The following MAP3K4 variants were observed in gnomAD, a reference collection of about 807,000 sequenced individuals.
MAP3K4 encodes mitogen-activated protein kinase kinase kinase 4.
In MAP3K4, 67 loss-of-function variants were observed where a neutral mutation model predicts 185.6. That is an observed-to-expected ratio of 0.36 (90% CI 0.30 to 0.44). The LOEUF (loss-of-function observed/expected upper bound fraction) is 0.44. Among genes scored for constraint, MAP3K4 ranks in the 20% least tolerant of loss-of-function variants. MAP3K4 has a pLI of 1.00. For synonymous variants in MAP3K4, 702 were observed against 710.4 expected, an observed-to-expected ratio of 0.99 and a Z score of 0.19; for missense variants, 1,551 against 1,995.1, an observed-to-expected ratio of 0.78 and a Z score of 4.24.
chr6:161,115,179 A>T lies in MAP3K4; in HGVS notation c.4683A>T (p.Gly1561=). 6.2e-7 allele frequency: 1 copy of T among 1,614,152 alleles called. No individual in the cohort carries two copies. The highest frequency in any genetic ancestry group is 1.1e-5 in the South Asian group (1 of 91,082). Residue 1561 remains glycine, a synonymous_variant, in exon 26 of 27, where the codon GGA becomes GGT. Coordinates refer to ENST00000392142, the MANE Select transcript of MAP3K4 (RefSeq NM_005922.4). The surrounding 1 kb of genome is among the most constrained non-coding windows in gnomAD (Gnocchi z 6.0). The stretch of plus-strand genomic sequence containing the variant: ...AAATTATGTATAAAGTGGGGATGGG[A>T]CATAAGCCACCAATCCCTGAAAGAT... ...NFQIMYKVGM[G]HKPPIPERLS... is the part of the protein sequence containing the mutation.
chr6:161,050,065 A>G (rs1022453708), intron 3 of MAP3K4, 86 bp downstream of exon 3: 15 of 1,329,498 alleles, frequency 1.1e-5, no homozygotes, highest in Admixed American at 7.2e-5. Flanking sequence ...ATGTACTTTC[A>G]TATTCTAATA....
At chr6:160,999,262 T>G (rs961060319) in intron 1 of MAP3K4, among the ~76,000 whole-genome samples, 1 of 152,136 alleles carries the variant, frequency 6.6e-6, no homozygotes, top group African/African-American at 2.4e-5. Flanking sequence ...TAGTTTAGAG[T>G]TGTCAAATTA....
intron 5 of MAP3K4, among the ~76,000 whole-genome samples, chr6:161,079,502 G>A (rs1177683056): frequency 1.3e-5 from 2 of 152,152 alleles, no homozygotes; most frequent in East Asian, 1.9e-4. Context: ...GCTTGAACCC[G>A]GGAGGCAGAG....
rs1438709136 is a variant in MAP3K4 at position 161,034,435 on chromosome 6, G to A, written c.329G>A (p.Arg110Gln). The A allele has an allele frequency of 7.4e-6, 12 of 1,613,532 alleles. No homozygotes were observed. The highest frequency in any genetic ancestry group is 3.3e-5 in the Admixed American group (2 of 59,976). Residue 110 changes from arginine to glutamine, a missense_variant, in exon 2 of 27, where the codon CGG becomes CAG. By Grantham distance (43) the Arg-to-Gln change is conservative. Around this residue, in one of 16 missense-constraint regions of MAP3K4, gnomAD observed 287 missense variants for 268.8 expected, o/e 1.07. Transcript: ENST00000392142. This position sits in a 1 kb window ranked among gnomAD's most constrained non-coding sequence, Gnocchi z 4.4. ...QRNNVGRPAS[R>Q]SNLKEKMNAP... The stretch of plus-strand genomic sequence containing the variant: ...AATAATGTGGGGAGGCCAGCCAGTC[G>A]GTCTAATTTGAAAGGTGAGTCTTGT...
In MAP3K4 at chr6:161,070,520, A is replaced by G. The variant is rs1784889522; in HGVS notation, c.1708-88A>G. 5 of 1,050,496 alleles carry G rather than the reference A, an allele frequency of 4.8e-6. No individual in the cohort carries two copies. Among genetic ancestry groups the G allele is most frequent in the East Asian group, 2.5e-5 (1 of 40,114 alleles). The allele number at this position is 1,050,496 out of a possible 1,614,324, so 65.1% of individuals were successfully genotyped here. ...AGAATTTTTGTAGATTTGTTAGCAC[A>G]TTGTAGAGAATAAGAGTTTATAACC... On this transcript the variant is annotated intron_variant, in intron 3 of 26. Transcript: ENST00000392142. The surrounding 1 kb of genome is among the most constrained non-coding windows in gnomAD (Gnocchi z 4.5).
At chr6:160,998,189 C>T (rs899590543) in intron 1 of MAP3K4, among the ~76,000 whole-genome samples, 2 of 152,136 alleles carry the variant, frequency 1.3e-5, no homozygotes, top group Non-Finnish European at 2.9e-5. Context: ...CCCTTTTGTG[C>T]TAGATTTGTC....
chr6:161,024,239 G>T (rs1782535698), intron 1 of MAP3K4, among the ~76,000 whole-genome samples: 2 of 152,200 alleles, frequency 1.3e-5, no homozygotes, highest in African/African-American at 2.4e-5. Context: ...AGAGTGTTGG[G>T]ATTATAGATG....
At chr6:161,068,421 A>G (rs779354376) in intron 3 of MAP3K4, among the ~76,000 whole-genome samples, 5 of 152,248 alleles carry the variant, frequency 3.3e-5, no homozygotes, top group Non-Finnish European at 7.3e-5. Flanking sequence ...TTTGTGCAAA[A>G]GCACAGAGGC....
At position 161,066,062 on chromosome 6, in the gene MAP3K4, G is replaced by A. The variant is rs571291965; in HGVS notation, c.1708-4546G>A. ...TTTCAGATTTTGGGTTTTTGGATTA[G>A]GGATGCGCAACCTATATAAGTTTTG... On this transcript the variant is annotated intron_variant, in intron 3 of 26. Transcript: ENST00000392142. Among the ~76,000 whole-genome samples, 4 of 152,152 alleles carry A rather than the reference G, an allele frequency of 2.6e-5. No homozygotes were observed. The South Asian group carries it at 6.2e-4, about 24-fold the overall frequency.
Position 161,108,658 on chromosome 6 carries a change from G to T in MAP3K4, c.4120-85G>T, listed in dbSNP as rs1778214942. On this transcript the variant is annotated intron_variant, in intron 21 of 26. Coordinates refer to ENST00000392142, the MANE Select transcript of MAP3K4 (RefSeq NM_005922.4). This position sits in a 1 kb window ranked among gnomAD's most constrained non-coding sequence, Gnocchi z 5.7. Reference sequence around the variant, plus strand: ...AAATCATGATTACATATATTTATGGGGTGCAAAATGATGTTTCAGTGTATG... The same window carrying T: ...AAATCATGATTACATATATTTATGGTGTGCAAAATGATGTTTCAGTGTATG... 3.9e-6 allele frequency: 3 copies of T among 771,852 alleles called. No homozygotes were observed. Among genetic ancestry groups the T allele is most frequent in the Non-Finnish European group, 6.9e-6 (3 of 437,018 alleles). The allele number at this position is 771,852 out of a possible 1,614,324, so 47.8% of individuals were successfully genotyped here. A position where few individuals can be genotyped will look rare whatever the true frequency, so the allele number is the denominator to read the frequency against.
intron 1 of MAP3K4, among the ~76,000 whole-genome samples, chr6:161,004,223 C>A (rs963770982): frequency 1.3e-5 from 2 of 151,976 alleles, no homozygotes; most frequent in Non-Finnish European, 2.9e-5. Context: ...GGGACCAAGT[C>A]AACATTTAAA....
intron 3 of MAP3K4, among the ~76,000 whole-genome samples, chr6:161,052,891 A>G (rs1226413335): frequency 2.0e-5 from 3 of 152,128 alleles, no homozygotes; most frequent in Admixed American, 6.5e-5. Flanking sequence ...TTACCATAGA[A>G]CGTTGTGGAT....
chr6:161,102,905 T>C (rs1297067873), intron 19 of MAP3K4, 126 bp downstream of exon 19: 2 of 609,830 alleles, frequency 3.3e-6, no homozygotes, highest in Non-Finnish European at 2.8e-6. Context: ...ATTACTATTT[T>C]GTGATCTCAC....
At position 161,091,660 on chromosome 6, in the gene MAP3K4, C is replaced by A; in HGVS notation, c.3135+120C>A. 1.2e-6 allele frequency: 1 copy of A among 843,240 alleles called. No individual in the cohort carries two copies. Among genetic ancestry groups the A allele is most frequent in the South Asian group, 1.8e-5 (1 of 56,582 alleles). 52.2% of individuals were successfully genotyped at this position (843,240 alleles called of 1,614,324 possible). ...GTAATCATAGCTTAATCAAGAATAT[C>A]ATCTTATATCACTGCTGTATATCAG... On this transcript the variant is annotated intron_variant, in intron 12 of 26. Coordinates refer to ENST00000392142, the MANE Select transcript of MAP3K4 (RefSeq NM_005922.4). The surrounding 1 kb of genome is among the most constrained non-coding windows in gnomAD (Gnocchi z 5.5).
At chr6:161,027,677 T>A (rs112210005) in intron 1 of MAP3K4, among the ~76,000 whole-genome samples, 3 of 152,180 alleles carry the variant, frequency 2.0e-5, no homozygotes, top group Non-Finnish European at 4.4e-5. Flanking sequence ...AAAGTAGTGG[T>A]TGATTAAAAC....
At position 161,063,446 on chromosome 6, in the gene MAP3K4, A is replaced by G. The variant is rs1219220291; in HGVS notation, c.1708-7162A>G. 2.0e-5 allele frequency among the ~76,000 whole-genome samples: 3 copies of G among 152,080 alleles called. No individual in the cohort carries two copies. The highest frequency in any genetic ancestry group is 1.3e-4 in the Admixed American group (2 of 15,268). On this transcript the variant is annotated intron_variant, in intron 3 of 26. Coordinates refer to ENST00000392142, the MANE Select transcript of MAP3K4 (RefSeq NM_005922.4). This position sits in a 1 kb window ranked among gnomAD's most constrained non-coding sequence, Gnocchi z 5.4. ...ATTTTTAAACATGATACTTGTTTCC[A>G]TGAACTTAAAGGAGAGAGGGAGTTA...
chr6:161,019,505 C>T (rs1234398422), intron 1 of MAP3K4, among the ~76,000 whole-genome samples: 1 of 152,210 alleles, frequency 6.6e-6, no homozygotes, highest in African/African-American at 2.4e-5. Flanking sequence ...CCTCCCAGTT[C>T]AAGCAATTCT....
rs1485295733 is a variant in MAP3K4, at chr6:161,091,354, A to G, written c.2974-25A>G. 3.1e-6 allele frequency: 5 copies of G among 1,596,086 alleles called. No individual in the cohort carries two copies. Among genetic ancestry groups the G allele is most frequent in the East Asian group, 2.2e-5 (1 of 44,446 alleles). On this transcript the variant is annotated intron_variant, in intron 11 of 26. Transcript: ENST00000392142. The surrounding 1 kb of genome is among the most constrained non-coding windows in gnomAD (Gnocchi z 5.5). ...TATTGTATGATTTGCTTCATTTTGC[A>G]TTAATCATGGTTTGGACTCTTCAGA...
Position 161,098,034 on chromosome 6 carries a change from C to G in MAP3K4, c.3525-244C>G, listed in dbSNP as rs1777647904. Among the ~76,000 whole-genome samples the G allele has an allele frequency of 6.6e-6, 1 of 152,072 alleles. No individual in the cohort carries two copies. The highest frequency in any genetic ancestry group is 6.5e-5 in the Admixed American group (1 of 15,268). On this transcript the variant is annotated intron_variant, in intron 16 of 26. Transcript: ENST00000392142. The surrounding 1 kb of genome is among the most constrained non-coding windows in gnomAD (Gnocchi z 4.4). The stretch of plus-strand genomic sequence containing the variant: ...CCCAGGAGGTCAAGGCTGCAGTGAG[C>G]TATGATTGCGCCACTGCACTCCAGC...
Sources: allele counts gnomAD v4.1 joint callset (sites outside exome capture counted in the v4.1 genomes callset), GRCh38; gene constraint gnomAD v4.1.1; regional missense constraint gnomAD v4.1.1; non-coding constraint Gnocchi (gnomAD v3.1); transcripts MANE v1.5; gene names NCBI Gene and HGNC (gene_info 2026-07-23, HGNC 2026-07-21).